VDR: variants seen among roughly 807,000 people sequenced by gnomAD.
The protein encoded by VDR is vitamin D3 receptor.
A neutral mutation model predicts 39.7 loss-of-function variants in VDR; 19 were observed. The ratio of observed to expected loss-of-function variants is 0.48; its 90% CI spans 0.33 to 0.70. The LOEUF (loss-of-function observed/expected upper bound fraction) is 0.70. VDR is among the 30% of genes least tolerant of loss of function. VDR has a pLI of 0.02. For synonymous variants in VDR, 242 were observed against 215.8 expected (o/e 1.12, Z -1.07); for missense variants, 442 against 570.5 (o/e 0.77, Z 2.29).
chr12:47,901,984 G>A (rs1592160839), intron 1 of VDR, among the ~76,000 whole-genome samples: 1 of 152,244 alleles, frequency 6.6e-6, no homozygotes, highest in Admixed American at 6.5e-5. Context: ...ACACCAGGGA[G>A]CAGGCTAGGG....
chr12:47,847,721 C>A (rs567197551), intron 7 of VDR, among the ~76,000 whole-genome samples: 1 of 152,204 alleles, frequency 6.6e-6, no homozygotes, highest in South Asian at 2.1e-4. Context: ...TACAAGCATG[C>A]GCCACCATGC....
intron 1 of VDR, 167 bp from the exon 2 acceptor site, chr12:47,882,941 C>G: frequency 1.8e-6 from 1 of 565,246 alleles, no homozygotes; most frequent in South Asian, 2.3e-5. Flanking sequence ...TCATCGCTGG[C>G]AGGGGTGTGG....
intron 7 of VDR, 149 bp from the exon 8 acceptor site, chr12:47,846,957 G>A: frequency 1.1e-6 from 1 of 901,070 alleles, no homozygotes; most frequent in Admixed American, 1.9e-5. Context: ...TGGCTGGAAG[G>A]GACAAGAGTG....
intron 3 of VDR, among the ~76,000 whole-genome samples, chr12:47,870,508 T>C (rs945441211): frequency 6.6e-5 from 10 of 152,100 alleles, no homozygotes; most frequent in Non-Finnish European, 1.2e-4. Flanking sequence ...AAGCTAAATA[T>C]AGATGCAGTT....
intron 6 of VDR, 55 bp downstream of exon 6, chr12:47,857,074 G>T: frequency 6.2e-7 from 1 of 1,611,200 alleles, no homozygotes; most frequent in Non-Finnish European, 8.5e-7. Context: ...GGGCAGGTGC[G>T]GTGGACTCCT....
chr12:47,889,115 G>A (rs74085274), intron 1 of VDR, among the ~76,000 whole-genome samples: 4,795 of 152,106 alleles, frequency 0.032, 235 homozygotes, highest in African/African-American at 0.11. Context: ...CTCCCTTACT[G>A]CGTGGCCTTG....
rs17886628 is a variant in VDR at position 47,904,462 on chromosome 12, TAAAAAAAAAAAAAA to T, written c.-84+479_-84+492del. The T allele has an allele frequency of 3.4e-3, 1,241 of 360,350 alleles. 8 individuals are homozygous for T. The highest frequency in any genetic ancestry group is 4.6e-3 in the Non-Finnish European group (1,123 of 245,134). The allele number at this position is 360,350 out of a possible 1,614,324, so 22.3% of individuals were successfully genotyped here. A position where few individuals can be genotyped will look rare whatever the true frequency, so the allele number is the denominator to read the frequency against. Reference sequence around the variant, plus strand: ...AACTCATTGGTAGTTCAAAGAAAAGTAAAAAAAAAAAAAAAAAAAAAAAAATTACTTAAAAGACC... The same window carrying T: ...AACTCATTGGTAGTTCAAAGAAAAGTAAAAAAAAAAATTACTTAAAAGACC... On this transcript the variant is annotated intron_variant, in intron 1 of 9. Transcript: ENST00000549336.
intron 1 of VDR, among the ~76,000 whole-genome samples, chr12:47,890,843 G>T (rs1221640887): frequency 2.0e-5 from 3 of 152,150 alleles, no homozygotes; most frequent in Middle Eastern, 3.2e-3. Flanking sequence ...TACAACTCAA[G>T]ATGTCTACAG....
Position 47,901,099 on chromosome 12 carries a change from AC to A in VDR, c.-84+3855del, listed in dbSNP as rs201214289. On this transcript the variant is annotated intron_variant, in intron 1 of 9. Coordinates refer to ENST00000549336, the MANE Select transcript of VDR (RefSeq NM_000376.3). ...TTGGGGTGGGGCGGTCTCACCACCT[AC>A]CCCCCTTGCCCACAAGTCACTTCAA... The A allele has an allele frequency of 5.1e-3, 789 of 153,962 alleles. 6 individuals carry two copies. Among genetic ancestry groups the A allele is most frequent in the African/African-American group, 0.018 (746 of 41,166 alleles). 9.5% of individuals were successfully genotyped at this position (153,962 alleles called of 1,614,324 possible).
intron 3 of VDR, among the ~76,000 whole-genome samples, chr12:47,873,351 C>CTTT (rs71077177): frequency 0.041 from 3,971 of 97,888 alleles, 635 homozygotes; most frequent in African/African-American, 0.058. Flanking sequence ...AACCTGTTTT[C>CTTT]TTTTTTTTTT....
intron 7 of VDR, among the ~76,000 whole-genome samples, chr12:47,848,459 G>A (rs1945321485): frequency 6.7e-6 from 1 of 150,100 alleles, no homozygotes; most frequent in African/African-American, 2.4e-5. Flanking sequence ...CTTTAGCACA[G>A]TTAGGGCCAT....
chr12:47,884,297 C>T (rs1946215006), intron 1 of VDR, among the ~76,000 whole-genome samples: 2 of 152,236 alleles, frequency 1.3e-5, no homozygotes. Flanking sequence ...CTGCTAAGCT[C>T]TGCATACATT....
chr12:47,852,435 G>T (rs1945405143), intron 7 of VDR, among the ~76,000 whole-genome samples: 1 of 152,218 alleles, frequency 6.6e-6, no homozygotes, highest in Admixed American at 6.5e-5. Context: ...GGAATGTGTT[G>T]TCAGTTCCAA....
At chr12:47,855,870 C>T (rs2137142698) in intron 6 of VDR, 69 bp from the exon 7 acceptor site, 1 of 1,593,768 alleles carries the variant, frequency 6.3e-7, no homozygotes, top group African/African-American at 1.3e-5. Context: ...CTGCCAGACC[C>T]TGCAAAAACC....
intron 7 of VDR, among the ~76,000 whole-genome samples, chr12:47,855,339 AAAAT>A (rs11574093): frequency 8.2e-5 from 12 of 146,432 alleles, no homozygotes; most frequent in South Asian, 2.2e-4. Context: ...AAAAAAAATA[AAAAT>A]AAATAAATAA....
intron 1 of VDR, among the ~76,000 whole-genome samples, chr12:47,892,421 A>G (rs1946388156): frequency 6.6e-6 from 1 of 152,172 alleles, no homozygotes; most frequent in Admixed American, 6.5e-5. Context: ...GATTAGAATG[A>G]CTTCCCCCTA....
chr12:47,877,758 C>T (rs1216714993), intron 3 of VDR, among the ~76,000 whole-genome samples: 1 of 152,176 alleles, frequency 6.6e-6, no homozygotes, highest in African/African-American at 2.4e-5. Context: ...CAAGGATTGG[C>T]AAATGCAGCA....
chr12:47,864,485 G>A (rs1216184823), intron 4 of VDR, among the ~76,000 whole-genome samples: 3 of 152,200 alleles, frequency 2.0e-5, no homozygotes. Context: ...GTCTCTCCCT[G>A]GCACAAGCCC....
chr12:47,894,112 A>G (rs1946420031), intron 1 of VDR, among the ~76,000 whole-genome samples: 1 of 152,158 alleles, frequency 6.6e-6, no homozygotes, highest in Non-Finnish European at 1.5e-5. Context: ...TTTCTTTGGT[A>G]GCCAGGGGGC....
Sources: gnomAD v4.1 joint callset for allele counts (sites outside exome capture counted in the v4.1 genomes callset) on GRCh38, gnomAD v4.1.1 for gene constraint, MANE v1.5 for transcripts, NCBI Gene and HGNC (gene_info 2026-07-23, HGNC 2026-07-21) for gene names.